The following ROBO2 variants were observed in gnomAD, a reference collection of about 807,000 sequenced individuals.
The protein encoded by ROBO2 is roundabout homolog 2.
Under a neutral mutation model 160.8 loss-of-function variants are expected in ROBO2, and 53 were observed. The observed-to-expected ratio is 0.33, with a 90% CI of 0.26 to 0.41. The LOEUF (loss-of-function observed/expected upper bound fraction) is 0.41, where lower values mean the gene tolerates loss of function less well. ROBO2 is among the 10% of genes least tolerant of loss of function. The pLI is 1.00. For missense variants in ROBO2, 1,577 were observed against 1,722.4 expected (o/e 0.92, Z 1.49); for synonymous variants, 664 against 611.7 (o/e 1.09, Z -1.26).
chr3:77,027,006 A>G (rs1455699094), intron 2 of ROBO2, among the ~76,000 whole-genome samples: 4 of 152,216 alleles, frequency 2.6e-5, no homozygotes, highest in Non-Finnish European at 4.4e-5. Flanking sequence ...ATTTTTAACT[A>G]CAAGAATAGA....
chr3:76,967,141 T>C (rs2059337887), intron 2 of ROBO2, among the ~76,000 whole-genome samples: 1 of 152,038 alleles, frequency 6.6e-6, no homozygotes, highest in Admixed American at 6.5e-5. Context: ...AAAGGTAAGG[T>C]AGCACATCCG....
intron 2 of ROBO2, among the ~76,000 whole-genome samples, chr3:76,242,959 G>A (rs1355006341): frequency 2.6e-5 from 4 of 152,036 alleles, no homozygotes; most frequent in South Asian, 2.1e-4. Context: ...GATCTAACAC[G>A]TAACGTATTT....
In ROBO2 at chr3:76,509,617, T is replaced by A. The variant is rs903500665; in HGVS notation, c.109+572015T>A. ...GTGGAACAAGAGACATTCGGCCTAG[T>A]GTTGAGGCAACGCTTTCCAACAGTT... On this transcript the variant is annotated intron_variant, in intron 2 of 26. Coordinates refer to the ROBO2 transcript ENST00000487694. Among the ~76,000 whole-genome samples the A allele has an allele frequency of 4.6e-5, 7 of 152,154 alleles. No homozygotes were observed. In the East Asian group the frequency reaches 1.4e-3, roughly 29 times the overall value.
Position 75,937,729 on chromosome 3 carries a change from C to T in ROBO2, c.109+127C>T, listed in dbSNP as rs76883623. 878 of 492,172 alleles carry T rather than the reference C, an allele frequency of 1.8e-3. 9 individuals carry two copies. Among genetic ancestry groups the T allele is most frequent in the African/African-American group, 0.015 (786 of 51,478 alleles). 30.5% of individuals were successfully genotyped at this position (492,172 alleles called of 1,614,324 possible). On this transcript the variant is annotated intron_variant, in intron 2 of 26. Transcript: ENST00000487694. The stretch of plus-strand genomic sequence containing the variant: ...AATTTTCCCCCAGGTTTTTGTTACA[C>T]GGTATTGTAATGCCTCTGCACCAGT...
At chr3:77,299,147 G>T (rs1406515516) in intron 2 of ROBO2, among the ~76,000 whole-genome samples, 1 of 152,188 alleles carries the variant, frequency 6.6e-6, no homozygotes, top group Non-Finnish European at 1.5e-5. Context: ...TTTTTAACAG[G>T]ATGTGAAACA....
At chr3:76,605,039 G>A (rs899460346) in intron 2 of ROBO2, among the ~76,000 whole-genome samples, 1 of 152,116 alleles carries the variant, frequency 6.6e-6, no homozygotes, top group Non-Finnish European at 1.5e-5. Context: ...GTATATATTA[G>A]TGCATTTGAA....
At chr3:76,208,679 T>A (rs916434332) in intron 2 of ROBO2, among the ~76,000 whole-genome samples, 2 of 152,184 alleles carry the variant, frequency 1.3e-5, no homozygotes, top group Non-Finnish European at 2.9e-5. Flanking sequence ...GTTCCTTTAT[T>A]GTTTCCTGTG....
intron 2 of ROBO2, among the ~76,000 whole-genome samples, chr3:76,335,003 TA>T (rs1239122405): frequency 2.6e-5 from 4 of 152,096 alleles, no homozygotes; most frequent in Admixed American, 2.6e-4. Flanking sequence ...TTTTTTCATC[TA>T]TTTTTTTTCT....
upstream of ROBO2, among the ~76,000 whole-genome samples, chr3:77,035,897 TATA>T (rs2063605415): frequency 6.6e-6 from 1 of 151,980 alleles, no homozygotes; most frequent in Non-Finnish European, 1.5e-5. Flanking sequence ...TTCTGTATAG[TATA>T]ATAAGACAAT....
chr3:76,836,791 C>T (rs1400973484), intron 2 of ROBO2, among the ~76,000 whole-genome samples: 1 of 151,738 alleles, frequency 6.6e-6, no homozygotes, highest in Non-Finnish European at 1.5e-5. Context: ...CTTAGACTAG[C>T]TTTATAACCC....
Position 76,089,338 on chromosome 3 carries a change from G to A in ROBO2, c.109+151736G>A, listed in dbSNP as rs576888353. Among the ~76,000 whole-genome samples the A allele has an allele frequency of 1.1e-4, 16 of 151,958 alleles. No individual in the cohort carries two copies. In the East Asian group the frequency reaches 3.1e-3, roughly 30 times the overall value. ...AAATACTTTCAAACTCATTGTTTGA[G>A]GCCAGCTTTACCCTAATAAAAAAAA... On this transcript the variant is annotated intron_variant, in intron 2 of 26. Coordinates refer to the ROBO2 transcript ENST00000487694.
At chr3:76,906,209 AC>A (rs2075592097) in intron 2 of ROBO2, among the ~76,000 whole-genome samples, 1 of 151,898 alleles carries the variant, frequency 6.6e-6, no homozygotes, top group Non-Finnish European at 1.5e-5. Context: ...CCAGAAATAA[AC>A]TTTTTCTTTT....
At chr3:76,063,379 G>A (rs986267402) in intron 2 of ROBO2, among the ~76,000 whole-genome samples, 1 of 117,238 alleles carries the variant, frequency 8.5e-6, no homozygotes, top group Non-Finnish European at 1.7e-5. Flanking sequence ...GTCTCACTTT[G>A]TTGCCCAGGC....
chr3:77,212,542 C>CT (rs1322753810), intron 2 of ROBO2, among the ~76,000 whole-genome samples: 2 of 152,156 alleles, frequency 1.3e-5, no homozygotes, highest in Non-Finnish European at 2.9e-5. Context: ...TTGATTTCCT[C>CT]TTTTCCTAAT....
chr3:76,490,423 C>G (rs947363982), intron 2 of ROBO2, among the ~76,000 whole-genome samples: 1 of 152,106 alleles, frequency 6.6e-6, no homozygotes, highest in African/African-American at 2.4e-5. Context: ...GTTTGGTTTC[C>G]TAGTGTTAGT....
intron 2 of ROBO2, among the ~76,000 whole-genome samples, chr3:75,956,582 A>C (rs745409607): frequency 8.6e-5 from 13 of 151,748 alleles, no homozygotes; most frequent in Non-Finnish European, 1.8e-4. Flanking sequence ...AGTGACCCTC[A>C]TATAGGGTCA....
chr3:77,217,048 G>C (rs2085069696), intron 2 of ROBO2, among the ~76,000 whole-genome samples: 1 of 152,048 alleles, frequency 6.6e-6, no homozygotes, highest in Non-Finnish European at 1.5e-5. Flanking sequence ...AATTAGAGTG[G>C]TAAAGCTGAC....
intron 2 of ROBO2, among the ~76,000 whole-genome samples, chr3:76,938,172 C>T (rs1316335272): frequency 6.6e-6 from 1 of 152,014 alleles, no homozygotes; most frequent in East Asian, 1.9e-4. Flanking sequence ...TCCTAGCCAC[C>T]GTGGTGAAAC....
At chr3:76,963,051 C>A (rs951419945) in intron 2 of ROBO2, among the ~76,000 whole-genome samples, 1 of 150,752 alleles carries the variant, frequency 6.6e-6, no homozygotes, top group Non-Finnish European at 1.5e-5. Flanking sequence ...AAATGTAAGT[C>A]AAAATGAAGG....
Sources: gnomAD v4.1 joint callset for allele counts (sites outside exome capture counted in the v4.1 genomes callset) on GRCh38, gnomAD v4.1.1 for gene constraint, MANE v1.5 for transcripts, NCBI Gene and HGNC (gene_info 2026-07-23, HGNC 2026-07-21) for gene names.